WWP2: variants seen among roughly 807,000 people sequenced by gnomAD.
WWP2 encodes the protein NEDD4-like E3 ubiquitin-protein ligase WWP2.
In WWP2, 57 loss-of-function variants were observed where a neutral mutation model predicts 121.0. The ratio of observed to expected loss-of-function variants is 0.47; its 90% CI spans 0.38 to 0.59. WWP2 has a LOEUF of 0.59. Ranked by LOEUF, WWP2 falls within the 20% of genes least tolerant of loss-of-function variation. WWP2 has a pLI of 0.00. For synonymous variants in WWP2, 449 were observed against 441.3 expected (o/e 1.02, Z -0.22); for missense variants, 962 against 1,158.9 (o/e 0.83, Z 2.47).
At chr16:69,886,079 C>A (rs2057918903) in intron 7 of WWP2, among the ~76,000 whole-genome samples, 1 of 152,090 alleles carries the variant, frequency 6.6e-6, no homozygotes, top group Non-Finnish European at 1.5e-5. Flanking sequence ...GAAACAGTAG[C>A]CATTGATTGG....
At chr16:69,797,715 C>T (rs940347658) in intron 2 of WWP2, among the ~76,000 whole-genome samples, 1 of 150,564 alleles carries the variant, frequency 6.6e-6, no homozygotes, top group African/African-American at 2.4e-5. Context: ...ATGGTGAAAC[C>T]CTGTCTCTAC....
intron 1 of WWP2, among the ~76,000 whole-genome samples, chr16:69,769,986 C>A (rs1227482195): frequency 1.3e-5 from 2 of 151,736 alleles, no homozygotes; most frequent in African/African-American, 4.8e-5. Context: ...CTCAGCCTCC[C>A]AAGTAGCTGG....
chr16:69,874,745 A>G (rs1006677365), intron 7 of WWP2, among the ~76,000 whole-genome samples: 4 of 152,174 alleles, frequency 2.6e-5, no homozygotes, highest in African/African-American at 7.2e-5. Flanking sequence ...TCTTCCCTAA[A>G]TGTAATTTCC....
intron 8 of WWP2, among the ~76,000 whole-genome samples, chr16:69,904,110 A>G (rs1271755870): frequency 6.6e-6 from 1 of 152,214 alleles, no homozygotes; most frequent in Non-Finnish European, 1.5e-5. Flanking sequence ...TAAGCCAAAT[A>G]TCTTTCTCAG....
In WWP2 at chr16:69,839,599, CT is replaced by C. The variant is rs1038003207; in HGVS notation, c.341-519del. Among the ~76,000 whole-genome samples, 7 of 152,132 alleles carry C rather than the reference CT, an allele frequency of 4.6e-5. No homozygotes were observed. In the East Asian group the frequency reaches 1.2e-3, roughly 25 times the overall value. ...CTGTATTGAAGTTTCATTGTTTTAA[CT>C]TTTTTTTCCTTATTTCAAGACAATA... is the stretch of plus-strand genomic sequence containing the variant. On this transcript the variant is annotated intron_variant, in intron 4 of 23. Transcript: ENST00000359154.
chr16:69,882,018 C>G (rs1597102948), intron 7 of WWP2, among the ~76,000 whole-genome samples: 1 of 147,438 alleles, frequency 6.8e-6, no homozygotes, highest in Non-Finnish European at 1.5e-5. Context: ...TGGGGTTTTG[C>G]CATGTTGACC....
intron 6 of WWP2, among the ~76,000 whole-genome samples, chr16:69,844,983 G>A (rs997881502): frequency 6.6e-6 from 1 of 152,230 alleles, no homozygotes; most frequent in African/African-American, 2.4e-5. Context: ...AGGTCACTGT[G>A]CACACATGCT....
chr16:69,814,221 TGTG>T (rs2056448350), intron 4 of WWP2, among the ~76,000 whole-genome samples: 1 of 152,098 alleles, frequency 6.6e-6, no homozygotes, highest in African/African-American at 2.4e-5. Context: ...AGTGCAGTGG[TGTG>T]ATCATAGGTA....
chr16:69,815,787 GAA>G (rs767903816), intron 4 of WWP2, among the ~76,000 whole-genome samples: 14 of 95,916 alleles, frequency 1.5e-4, no homozygotes, highest in Admixed American at 2.4e-4. Flanking sequence ...ACTCCGTCTC[GAA>G]AAAAAAAAAA....
At chr16:69,803,368 A>T (rs916890817) in intron 4 of WWP2, among the ~76,000 whole-genome samples, 17 of 149,098 alleles carry the variant, frequency 1.1e-4, no homozygotes, top group African/African-American at 4.4e-4. Flanking sequence ...ACATTTACAT[A>T]AAAAAAACAT....
rs74027708 is a variant in WWP2, at chr16:69,923,509, A to G, written c.1180-1921A>G. Among the ~76,000 whole-genome samples, 1,395 of 152,158 alleles carry G rather than the reference A, an allele frequency of 9.2e-3. 18 individuals are homozygous for G. Among genetic ancestry groups the G allele is most frequent in the African/African-American group, 0.031 (1,298 of 41,500 alleles). On this transcript the variant is annotated intron_variant, in intron 10 of 23. Coordinates refer to ENST00000359154, the MANE Select transcript of WWP2 (RefSeq NM_001270454.2). Reference sequence around the variant, plus strand: ...CTAGTCAGGGAGACTGTCAGTAAAGACCTTTTTGGTCTGTTGATTTGTAGA... The same window carrying G: ...CTAGTCAGGGAGACTGTCAGTAAAGGCCTTTTTGGTCTGTTGATTTGTAGA...
Position 69,898,027 on chromosome 16 carries a change from C to CTT in WWP2, c.914+9793_914+9794dup, listed in dbSNP as rs369977148. On this transcript the variant is annotated intron_variant, in intron 8 of 23. Coordinates refer to ENST00000359154, the MANE Select transcript of WWP2 (RefSeq NM_001270454.2). ...TTTTTTCTTTTTCTTTTCTTTCTTT[C>CTT]TTTTTTTTTTTTTTTTGAGACAGAG... Among the ~76,000 whole-genome samples, 263 of 128,100 alleles carry CTT rather than the reference C, an allele frequency of 2.1e-3. 2 individuals carry two copies. Among genetic ancestry groups the CTT allele is most frequent in the East Asian group, 6.3e-3 (27 of 4,298 alleles). 84.0% of individuals were successfully genotyped at this position (128,100 alleles called of 152,430 possible).
At chr16:69,764,054 A>T (rs1160111567) in intron 1 of WWP2, among the ~76,000 whole-genome samples, 4 of 152,228 alleles carry the variant, frequency 2.6e-5, no homozygotes, top group Non-Finnish European at 5.9e-5. Context: ...TGGGATGGTC[A>T]GTATTGTCCC....
intron 6 of WWP2, among the ~76,000 whole-genome samples, chr16:69,845,000 T>G (rs1016853462): frequency 1.3e-5 from 2 of 152,332 alleles, no homozygotes. Flanking sequence ...TGCTTATGAC[T>G]GTAGGCGGTG....
chr16:69,940,336 G>T lies in WWP2; in HGVS notation c.*396G>T, dbSNP rs1029176158. 1 of 189,758 alleles carries T rather than the reference G, an allele frequency of 5.3e-6. No homozygotes were observed. Among genetic ancestry groups the T allele is most frequent in the East Asian group, 1.5e-4 (1 of 6,772 alleles). 11.8% of individuals were successfully genotyped at this position (189,758 alleles called of 1,614,324 possible). On this transcript the variant is annotated 3_prime_UTR_variant, in exon 24 of 24. Coordinates refer to ENST00000359154, the MANE Select transcript of WWP2 (RefSeq NM_001270454.2). ...AGTTCGGCGAGGAGACTGGCCACTG[G>T]GGGTGGCTGTTCGGGACTGAGAGCG...
chr16:69,889,247 G>C (rs1198118954), intron 8 of WWP2, among the ~76,000 whole-genome samples: 1 of 152,204 alleles, frequency 6.6e-6, no homozygotes, highest in South Asian at 2.1e-4. Flanking sequence ...GATTGCTTGA[G>C]CCAGGAGTTA....
chr16:69,847,369 G>A (rs369162893), intron 6 of WWP2, among the ~76,000 whole-genome samples: 1 of 151,544 alleles, frequency 6.6e-6, no homozygotes, highest in East Asian at 1.9e-4. Context: ...ACAGGCATGA[G>A]CCACCATGCC....
chr16:69,924,656 TG>T (rs1450452280), intron 10 of WWP2, among the ~76,000 whole-genome samples: 1 of 151,602 alleles, frequency 6.6e-6, no homozygotes, highest in East Asian at 1.9e-4. Flanking sequence ...TTCTTTCCCC[TG>T]TCTCCCCTTC....
chr16:69,918,043 C>T (rs1198239026), intron 10 of WWP2, among the ~76,000 whole-genome samples, 160 bp downstream of exon 10: 1 of 152,214 alleles, frequency 6.6e-6, no homozygotes, highest in East Asian at 1.9e-4. Flanking sequence ...AGTGAAATTC[C>T]TCAAATTCCA....
Sources: allele counts gnomAD v4.1 joint callset (sites outside exome capture counted in the v4.1 genomes callset), GRCh38; gene constraint gnomAD v4.1.1; transcripts MANE v1.5; gene names NCBI Gene and HGNC (gene_info 2026-07-23, HGNC 2026-07-21).